Variants in PTPRE observed in about 807,000 individuals in gnomAD.
The protein encoded by PTPRE is receptor-type tyrosine-protein phosphatase epsilon.
Under a neutral mutation model 102.0 loss-of-function variants are expected in PTPRE, and 51 were observed. That is an observed-to-expected ratio of 0.50 (90% CI 0.40 to 0.63). PTPRE has a LOEUF of 0.63. PTPRE is among the 30% of genes least tolerant of loss of function. PTPRE has a pLI of 0.00. For missense variants in PTPRE, 752 were observed against 915.1 expected, an observed-to-expected ratio of 0.82 and a Z score of 2.30; for synonymous variants, 345 against 348.2, an observed-to-expected ratio of 0.99 and a Z score of 0.10.
chr10:127,987,512 CGTT>C, intron 2 of PTPRE: 1 of 396,554 alleles, frequency 2.5e-6, no homozygotes, highest in Non-Finnish European at 4.2e-6. Flanking sequence ...AGGAAGGCGT[CGTT>C]AAATGAAAAT....
At chr10:128,004,502 C>T (rs971937808) in intron 2 of PTPRE, among the ~76,000 whole-genome samples, 7 of 152,144 alleles carry the variant, frequency 4.6e-5, no homozygotes, top group African/African-American at 1.7e-4. Flanking sequence ...CATAACCATC[C>T]AGTATGGGAC....
chr10:128,081,334 C>T (rs957912344), intron 20 of PTPRE, among the ~76,000 whole-genome samples: 1 of 152,182 alleles, frequency 6.6e-6, no homozygotes, highest in Non-Finnish European at 1.5e-5. Flanking sequence ...TCAAAGGCCA[C>T]AAGTACATCT....
chr10:127,943,855 A>T (rs1848421840), intron 1 of PTPRE, among the ~76,000 whole-genome samples: 1 of 152,142 alleles, frequency 6.6e-6, no homozygotes, highest in Non-Finnish European at 1.5e-5. Context: ...GCAGACTGGA[A>T]TGACCGTGCC....
chr10:128,050,578 T>C (rs1295425724), intron 6 of PTPRE, among the ~76,000 whole-genome samples: 1 of 152,278 alleles, frequency 6.6e-6, no homozygotes, highest in African/African-American at 2.4e-5. Flanking sequence ...GTGTTTTGAA[T>C]TTTATGCATC....
Position 128,033,068 on chromosome 10 carries a change from C to T in PTPRE, c.-7-7807C>T, listed in dbSNP as rs527462196. Among the ~76,000 whole-genome samples, 10 of 152,252 alleles carry T rather than the reference C, an allele frequency of 6.6e-5. No individual in the cohort carries two copies. The East Asian group carries it at 1.9e-3, about 29-fold the overall frequency. ...TCGGGGGCTGTAATGGTGTCGCTGA[C>T]CACGTAGAAGCCAGGAAGAAATAAA... is the stretch of plus-strand genomic sequence containing the variant. On this transcript the variant is annotated intron_variant, in intron 2 of 20. Transcript: ENST00000254667.
chr10:128,060,252 CCACA>C (rs1330633652), intron 7 of PTPRE, among the ~76,000 whole-genome samples: 2 of 150,734 alleles, frequency 1.3e-5, no homozygotes, highest in Admixed American at 1.3e-4. Flanking sequence ...ACCACACACA[CCACA>C]CACACAATAC....
At position 128,067,291 on chromosome 10, in the gene PTPRE, C is replaced by T. The variant is rs369955661; in HGVS notation, c.844-832C>T. Among the ~76,000 whole-genome samples, 392 of 151,614 alleles carry T rather than the reference C, an allele frequency of 2.6e-3. 2 individuals carry two copies. The highest frequency in any genetic ancestry group is 8.7e-3 in the African/African-American group (359 of 41,368). ...ATGTGCACACACACGCACCCACACACGCACAGATGCACACATGCACATTCA... is the reference window on the plus strand; with the variant it reads ...ATGTGCACACACACGCACCCACACATGCACAGATGCACACATGCACATTCA... On this transcript the variant is annotated intron_variant, in intron 11 of 20. Transcript: ENST00000254667.
intron 2 of PTPRE, among the ~76,000 whole-genome samples, chr10:128,033,956 A>G (rs903980150): frequency 7.2e-5 from 11 of 152,214 alleles, no homozygotes; most frequent in Admixed American, 6.5e-4. Context: ...CACAGCATTT[A>G]TAATTGTGTC....
chr10:128,058,719 G>C (rs2135929819), intron 7 of PTPRE, among the ~76,000 whole-genome samples: 1 of 152,206 alleles, frequency 6.6e-6, no homozygotes, highest in Admixed American at 6.5e-5. Flanking sequence ...GTCACCTGGG[G>C]GAGAGGAGAG....
intron 17 of PTPRE, among the ~76,000 whole-genome samples, chr10:128,074,415 C>T (rs555150441): frequency 1.3e-5 from 2 of 152,344 alleles, no homozygotes; most frequent in East Asian, 1.9e-4. Context: ...CCTGTAATCC[C>T]AGCCCTTTGG....
rs371954086 is a variant in PTPRE at position 128,070,263 on chromosome 10, C to A, written c.1144-38C>A. ...CTCCACGTGGGCCAAGACTGCAGGG[C>A]AGAGTTGAGGGTGTGGGCACCCCTG... On this transcript the variant is annotated intron_variant, in intron 13 of 20. Coordinates refer to ENST00000254667, the MANE Select transcript of PTPRE (RefSeq NM_006504.6). The surrounding 1 kb of genome is among the most constrained non-coding windows in gnomAD (Gnocchi z 4.8). 7.0e-6 allele frequency: 11 copies of A among 1,568,292 alleles called. No homozygotes were observed. The African/African-American group carries it at 1.4e-4, about 19-fold the overall frequency.
intron 2 of PTPRE, among the ~76,000 whole-genome samples, chr10:128,016,857 G>A (rs1400781206): frequency 6.6e-6 from 1 of 152,216 alleles, no homozygotes; most frequent in East Asian, 1.9e-4. Flanking sequence ...CTTCCTGCCG[G>A]GGAGACCTGT....
chr10:128,019,009 G>A (rs1845651528), intron 2 of PTPRE, among the ~76,000 whole-genome samples: 1 of 152,230 alleles, frequency 6.6e-6, no homozygotes, highest in Non-Finnish European at 1.5e-5. Context: ...ACTCCAGTGG[G>A]TCAGGAGCCG....
At chr10:128,014,876 A>G (rs936034531) in intron 2 of PTPRE, among the ~76,000 whole-genome samples, 36 of 152,190 alleles carry the variant, frequency 2.4e-4, no homozygotes, top group African/African-American at 8.4e-4. Flanking sequence ...GGAAGGAGAC[A>G]GTGGAGATGA....
intron 2 of PTPRE, among the ~76,000 whole-genome samples, chr10:128,022,420 C>T (rs867411043): frequency 3.3e-5 from 5 of 152,356 alleles, no homozygotes; most frequent in African/African-American, 7.2e-5. Context: ...ATTGTCCAGG[C>T]GTTTTGTGAA....
intron 1 of PTPRE, among the ~76,000 whole-genome samples, chr10:127,976,420 T>C (rs936102818): frequency 3.3e-5 from 5 of 152,192 alleles, no homozygotes; most frequent in African/African-American, 1.2e-4. Context: ...AGAGGGTGCC[T>C]CAACCGTGGA....
intron 1 of PTPRE, among the ~76,000 whole-genome samples, chr10:127,912,372 G>A (rs1280415101): frequency 1.3e-5 from 2 of 152,018 alleles, no homozygotes; most frequent in African/African-American, 2.4e-5. Context: ...ATTTTAAAAG[G>A]GCATCTGTTT....
At chr10:128,022,699 C>G (rs1035067249) in intron 2 of PTPRE, among the ~76,000 whole-genome samples, 2 of 152,218 alleles carry the variant, frequency 1.3e-5, no homozygotes, top group Non-Finnish European at 2.9e-5. Flanking sequence ...GGGAGGCACA[C>G]AGCGCAGTGG....
At chr10:127,982,187 A>T in intron 1 of PTPRE, 87 bp from the exon 2 acceptor site, 1 of 779,178 alleles carries the variant, frequency 1.3e-6, no homozygotes, top group Non-Finnish European at 1.8e-6. Context: ...ATAGTCGACT[A>T]GTGCTGTACA....
Sources: gnomAD v4.1 joint callset for allele counts (sites outside exome capture counted in the v4.1 genomes callset) on GRCh38, gnomAD v4.1.1 for gene constraint, Gnocchi (gnomAD v3.1) non-coding constraint, MANE v1.5 for transcripts, NCBI Gene and HGNC (gene_info 2026-07-23, HGNC 2026-07-21) for gene names.